The following SHISA9 variants were observed in gnomAD, a reference collection of about 807,000 sequenced individuals.
The protein encoded by SHISA9 is protein shisa-9.
Under a neutral mutation model 38.0 loss-of-function variants are expected in SHISA9, and 13 were observed. The ratio of observed to expected loss-of-function variants is 0.34; its 90% CI spans 0.22 to 0.54. The LOEUF is 0.54. Ranked by LOEUF, SHISA9 falls within the 20% of genes least tolerant of loss-of-function variation. The probability of loss-of-function intolerance (pLI) is 0.91; values close to 1 mark genes in which losing one functional copy is unlikely to be tolerated. For synonymous variants in SHISA9, 275 were observed against 242.0 expected (o/e 1.14, Z -1.27); for missense variants, 538 against 575.8 (o/e 0.93, Z 0.67).
chr16:13,107,100 C>A (rs547291188), intron 2 of SHISA9, among the ~76,000 whole-genome samples: 3 of 151,770 alleles, frequency 2.0e-5, no homozygotes, highest in Non-Finnish European at 4.4e-5. Context: ...CGTTTATTCC[C>A]CGAGTGAGGG....
At chr16:13,054,850 G>A (rs746209125) in intron 2 of SHISA9, among the ~76,000 whole-genome samples, 7 of 152,092 alleles carry the variant, frequency 4.6e-5, no homozygotes, top group South Asian at 2.1e-4. Flanking sequence ...AAATTTCCAC[G>A]CTGTCTCCTG....
the SHISA9 span, among the ~76,000 whole-genome samples, chr16:13,357,787 C>T: frequency 6.7e-6 from 1 of 148,190 alleles, no homozygotes; most frequent in African/African-American, 2.5e-5. Context: ...TCGCAAGGTG[C>T]TCAGTGGGCA....
At chr16:13,242,233 G>T (rs2051440594), downstream of SHISA9, among the ~76,000 whole-genome samples, 1 of 152,206 alleles carries the variant, frequency 6.6e-6, no homozygotes, top group African/African-American at 2.4e-5. Flanking sequence ...TAATGGCTCT[G>T]TCAATAGTTC....
chr16:13,010,338 C>G (rs1439741705), intron 2 of SHISA9, among the ~76,000 whole-genome samples: 1 of 152,070 alleles, frequency 6.6e-6, no homozygotes, highest in Non-Finnish European at 1.5e-5. Flanking sequence ...TACTGAGTCC[C>G]TGTGTTAAGA....
At chr16:13,253,446 G>A in the SHISA9 span, among the ~76,000 whole-genome samples, 1 of 152,158 alleles carries the variant, frequency 6.6e-6, no homozygotes, top group Non-Finnish European at 1.5e-5. Flanking sequence ...CGAAGGCTGG[G>A]TAATTTATAT....
chr16:13,350,361 C>G, the SHISA9 span: 1 of 152,434 alleles, frequency 6.6e-6, no homozygotes, highest in East Asian at 1.9e-4. Context: ...GCCATGCTAC[C>G]AGCTTCCCTG....
chr16:13,128,739 G>T (rs546116597), intron 2 of SHISA9, among the ~76,000 whole-genome samples: 1 of 152,128 alleles, frequency 6.6e-6, no homozygotes, highest in African/African-American at 2.4e-5. Flanking sequence ...CATGTGTATG[G>T]GAGCTGAAAG....
intron 2 of SHISA9, among the ~76,000 whole-genome samples, chr16:13,012,229 G>A (rs1244074899): frequency 6.6e-6 from 1 of 152,128 alleles, no homozygotes; most frequent in African/African-American, 2.4e-5. Flanking sequence ...ACATTTTTAA[G>A]GAGAAATGAC....
chr16:12,961,336 C>T (rs543655894), intron 2 of SHISA9, among the ~76,000 whole-genome samples: 187 of 152,046 alleles, frequency 1.2e-3, no homozygotes, highest in African/African-American at 4.2e-3. Context: ...TCAGATGCCA[C>T]GAGGAAGAGT....
At chr16:13,424,869 G>C in the SHISA9 span, among the ~76,000 whole-genome samples, 3 of 152,222 alleles carry the variant, frequency 2.0e-5, no homozygotes, top group African/African-American at 7.2e-5. Flanking sequence ...TCCCAGAATG[G>C]AGTCTTCAGG....
At chr16:13,422,672 G>A in the SHISA9 span, among the ~76,000 whole-genome samples, 4 of 152,098 alleles carry the variant, frequency 2.6e-5, no homozygotes, top group African/African-American at 4.8e-5. Context: ...TTCCAGCCTG[G>A]GTGAAAGAGT....
chr16:12,926,527 A>G (rs1397354342), intron 2 of SHISA9, among the ~76,000 whole-genome samples: 2 of 152,236 alleles, frequency 1.3e-5, no homozygotes, highest in East Asian at 3.8e-4. Flanking sequence ...TTAGACATAA[A>G]TAGGACATAT....
the SHISA9 span, among the ~76,000 whole-genome samples, chr16:13,399,643 A>G: frequency 6.6e-6 from 1 of 152,136 alleles, no homozygotes; most frequent in African/African-American, 2.4e-5. Context: ...TTCATTGGGC[A>G]CAGGAAGCTC....
chr16:13,211,301 G>A (rs1256276118), intron 3 of SHISA9, among the ~76,000 whole-genome samples: 2 of 149,076 alleles, frequency 1.3e-5, no homozygotes, highest in South Asian at 2.1e-4. Flanking sequence ...GCAAGACTCT[G>A]TCTCAAGAAA....
chr16:13,427,060 G>A, the SHISA9 span, among the ~76,000 whole-genome samples: 3 of 152,184 alleles, frequency 2.0e-5, no homozygotes, highest in African/African-American at 7.2e-5. Flanking sequence ...GAATATTCTG[G>A]AATGTTTTAT....
chr16:13,461,775 A>G, the SHISA9 span, among the ~76,000 whole-genome samples: 87 of 151,130 alleles, frequency 5.8e-4, no homozygotes, highest in Admixed American at 3.0e-3. Context: ...CACCACGCCC[A>G]GCTAATTTTT....
chr16:13,466,418 GA>G, the SHISA9 span, among the ~76,000 whole-genome samples: 1 of 152,194 alleles, frequency 6.6e-6, no homozygotes, highest in Non-Finnish European at 1.5e-5. Context: ...TAGGGTCAGT[GA>G]AAAACTACAA....
In SHISA9 at chr16:13,212,593, G is replaced by T. The variant is rs78709042; in HGVS notation, c.848-660G>T. On this transcript the variant is annotated intron_variant, in intron 3 of 4. Transcript: ENST00000558583. ...TCATTATGGGATTCTCAGATAACAA[G>T]CTTGATCTCGTTACCGTTTAGAATT... is the stretch of plus-strand genomic sequence containing the variant. Among the ~76,000 whole-genome samples the T allele has an allele frequency of 3.8e-3, 576 of 152,288 alleles. 1 individual carries two copies. Among genetic ancestry groups the T allele is most frequent in the Middle Eastern group, 6.8e-3 (2 of 294 alleles).
chr16:13,054,867 G>A (rs1252490239), intron 2 of SHISA9, among the ~76,000 whole-genome samples: 1 of 152,002 alleles, frequency 6.6e-6, no homozygotes, highest in Non-Finnish European at 1.5e-5. Flanking sequence ...CCTGCCACGG[G>A]GCCTTTGCAC....
Sources: gnomAD v4.1 joint callset for allele counts (sites outside exome capture counted in the v4.1 genomes callset) on GRCh38, gnomAD v4.1.1 for gene constraint, MANE v1.5 for transcripts, NCBI Gene and HGNC (gene_info 2026-07-23, HGNC 2026-07-21) for gene names.